Variants in CNTLN observed in about 807,000 individuals in gnomAD.
The protein encoded by CNTLN is centlein.
CNTLN carries 212 observed loss-of-function variants against 180.0 expected under a neutral mutation model. The ratio of observed to expected loss-of-function variants is 1.18; its 90% CI spans 1.05 to 1.32. The LOEUF is 1.32. Among genes scored for constraint, CNTLN ranks in the 40% most tolerant of loss-of-function variants. CNTLN has a pLI of 0.00. For synonymous variants in CNTLN, 722 were observed against 563.1 expected, an observed-to-expected ratio of 1.28 and a Z score of -3.99; for missense variants, 2,095 against 1,610.9, an observed-to-expected ratio of 1.30 and a Z score of -5.14.
At chr9:17,527,215 AC>A in the CNTLN span, among the ~76,000 whole-genome samples, 1 of 152,042 alleles carries the variant, frequency 6.6e-6, no homozygotes, top group African/African-American at 2.4e-5. Context: ...TTCCCTTGAC[AC>A]ATCACTGTCC....
intron 6 of CNTLN, 121 bp downstream of exon 6, chr9:17,273,987 G>A: frequency 2.6e-6 from 2 of 780,716 alleles, no homozygotes; most frequent in East Asian, 3.1e-5. Context: ...GGTTATATAT[G>A]TTTGTGCATT....
chr9:17,256,125 A>G (rs79063995), intron 5 of CNTLN, among the ~76,000 whole-genome samples: 4,044 of 152,018 alleles, frequency 0.027, 203 homozygotes, highest in African/African-American at 0.094. Flanking sequence ...TCCATAGTGT[A>G]TATGTATTAT....
intron 23 of CNTLN, among the ~76,000 whole-genome samples, chr9:17,480,826 T>TA (rs1175835113): frequency 6.6e-6 from 1 of 152,174 alleles, no homozygotes; most frequent in Admixed American, 6.5e-5. Context: ...GTAAGAATAT[T>TA]AAAACCTTTG....
At chr9:17,206,313 C>T (rs1339966832) in intron 2 of CNTLN, among the ~76,000 whole-genome samples, 1 of 152,122 alleles carries the variant, frequency 6.6e-6, no homozygotes, top group East Asian at 1.9e-4. Context: ...CAGCAATAAG[C>T]TACATGTAGA....
chr9:17,219,132 G>A (rs1009278735), intron 2 of CNTLN, among the ~76,000 whole-genome samples: 11 of 151,926 alleles, frequency 7.2e-5, no homozygotes, highest in Non-Finnish European at 1.3e-4. Flanking sequence ...TAAAGAAGTC[G>A]GCAAATATTC....
At chr9:17,294,899 T>C (rs1288063364) in intron 6 of CNTLN, among the ~76,000 whole-genome samples, 44 of 4,748 alleles carry the variant, frequency 9.3e-3, no homozygotes, top group Non-Finnish European at 0.016. Context: ...GAGTGGGGAG[T>C]GGGGGGAGGG....
intron 18 of CNTLN, among the ~76,000 whole-genome samples, chr9:17,416,460 T>A (rs1364486968): frequency 6.6e-6 from 1 of 152,210 alleles, no homozygotes; most frequent in African/African-American, 2.4e-5. Flanking sequence ...ATCTTTGAAA[T>A]ATTTTTACAT....
intron 16 of CNTLN, among the ~76,000 whole-genome samples, chr9:17,411,459 T>C (rs1206998147): frequency 1.3e-5 from 2 of 152,174 alleles, no homozygotes; most frequent in Non-Finnish European, 2.9e-5. Context: ...CTCCTCCTCC[T>C]ATCAGGGTGA....
chr9:17,346,941 A>C (rs1200168036), intron 12 of CNTLN, among the ~76,000 whole-genome samples: 1 of 152,082 alleles, frequency 6.6e-6, no homozygotes, highest in Non-Finnish European at 1.5e-5. Flanking sequence ...TCTGTTATTC[A>C]GATTTGGTAA....
At chr9:17,441,249 A>G (rs1378205366) in intron 18 of CNTLN, among the ~76,000 whole-genome samples, 1 of 152,232 alleles carries the variant, frequency 6.6e-6, no homozygotes, top group Non-Finnish European at 1.5e-5. Context: ...GATGCTAAAC[A>G]GCAATACTTA....
At chr9:17,318,979 G>A (rs1025177737) in intron 8 of CNTLN, among the ~76,000 whole-genome samples, 1 of 152,124 alleles carries the variant, frequency 6.6e-6, no homozygotes, top group Admixed American at 6.5e-5. Flanking sequence ...ATGTTTCTAT[G>A]AATCTTATAG....
At chr9:17,445,753 C>T (rs2134075549) in intron 18 of CNTLN, among the ~76,000 whole-genome samples, 1 of 152,190 alleles carries the variant, frequency 6.6e-6, no homozygotes, top group Middle Eastern at 3.4e-3. Context: ...AGGGAAAGAC[C>T]TGACCATCCC....
At chr9:17,268,738 A>T (rs1827702391) in intron 5 of CNTLN, among the ~76,000 whole-genome samples, 1 of 151,992 alleles carries the variant, frequency 6.6e-6, no homozygotes, top group South Asian at 2.1e-4. Context: ...AGCCTGGGCA[A>T]TGGCAGGCAC....
intron 18 of CNTLN, chr9:17,447,087 G>A (rs922499834): frequency 1.5e-4 from 29 of 197,928 alleles, no homozygotes; most frequent in Non-Finnish European, 2.3e-4. Flanking sequence ...GAGAGAAATT[G>A]CCTGGTGGGC....
chr9:17,519,211 A>T, the CNTLN span, among the ~76,000 whole-genome samples: 1 of 150,042 alleles, frequency 6.7e-6, no homozygotes, highest in Non-Finnish European at 1.5e-5. Flanking sequence ...TACCAGCGTG[A>T]ACCACTGCCC....
intron 7 of CNTLN, chr9:17,300,929 C>A (rs1031368530): frequency 1.0e-6 from 1 of 966,140 alleles, no homozygotes; most frequent in Non-Finnish European, 1.2e-6. Context: ...CATTTTACTT[C>A]CTTTATTCTA....
In CNTLN at chr9:17,299,898, C is replaced by G. The variant is rs771683339; in HGVS notation, c.1146+1546C>G. Reference sequence around the variant, plus strand: ...GTACTATAATTGGGTGGCTTTCTTCCTTCAGTTTTTAGCTGTCCCTTTTTA... The same window carrying G: ...GTACTATAATTGGGTGGCTTTCTTCGTTCAGTTTTTAGCTGTCCCTTTTTA... On this transcript the variant is annotated intron_variant, in intron 7 of 25. Transcript: ENST00000380647. 8.0e-5 allele frequency: 49 copies of G among 612,992 alleles called. No individual in the cohort carries two copies. In the Admixed American group the frequency reaches 3.0e-3, roughly 37 times the overall value. The allele number at this position is 612,992 out of a possible 1,614,324, so 38.0% of individuals were successfully genotyped here. A position where few individuals can be genotyped will look rare whatever the true frequency, so the allele number is the denominator to read the frequency against.
At chr9:17,184,154 T>A (rs1821289923) in intron 2 of CNTLN, among the ~76,000 whole-genome samples, 1 of 152,156 alleles carries the variant, frequency 6.6e-6, no homozygotes, top group Admixed American at 6.5e-5. Flanking sequence ...AAGATTTTCG[T>A]GAAATAGCTT....
At chr9:17,431,857 C>T (rs946811206) in intron 18 of CNTLN, among the ~76,000 whole-genome samples, 1 of 152,078 alleles carries the variant, frequency 6.6e-6, no homozygotes, top group African/African-American at 2.4e-5. Context: ...GTGATTAATT[C>T]CTTATCTTTA....
Sources: gnomAD v4.1 joint callset for allele counts (sites outside exome capture counted in the v4.1 genomes callset) on GRCh38, gnomAD v4.1.1 for gene constraint, MANE v1.5 for transcripts, NCBI Gene and HGNC (gene_info 2026-07-23, HGNC 2026-07-21) for gene names.